GCLM: variants seen among roughly 807,000 people sequenced by gnomAD.
GCLM encodes the protein glutamate--cysteine ligase regulatory subunit.
Under a neutral mutation model 36.0 loss-of-function variants are expected in GCLM, and 15 were observed. The ratio of observed to expected loss-of-function variants is 0.42; its 90% CI spans 0.28 to 0.64. The LOEUF (loss-of-function observed/expected upper bound fraction) is 0.64. Ranked by LOEUF, GCLM falls within the 30% of genes least tolerant of loss-of-function variation. GCLM has a pLI of 0.25. For synonymous variants in GCLM, 129 were observed against 122.8 expected (o/e 1.05, Z -0.34); for missense variants, 242 against 325.5 (o/e 0.74, Z 1.97).
chr1:93,904,368 C>G, intron 2 of GCLM, 155 bp downstream of exon 2: 1 of 643,976 alleles, frequency 1.6e-6, no homozygotes, highest in Non-Finnish European at 2.8e-6. Context: ...TATGCATAAG[C>G]CTACTGGATC....
At chr1:93,902,239 A>T (rs1056991425) in intron 2 of GCLM, among the ~76,000 whole-genome samples, 1 of 149,346 alleles carries the variant, frequency 6.7e-6, no homozygotes, top group African/African-American at 2.5e-5. Flanking sequence ...GTGCAGTGGC[A>T]CGATCTCGGC....
At chr1:93,908,764 T>G in intron 1 of GCLM, 1 of 254,430 alleles carries the variant, frequency 3.9e-6, no homozygotes, top group East Asian at 7.1e-5. Context: ...CCCAGGATGT[T>G]TGAGAGTTTT....
intron 1 of GCLM, 52 bp downstream of exon 1, chr1:93,908,986 C>T: frequency 7.3e-7 from 1 of 1,368,552 alleles, no homozygotes; most frequent in Non-Finnish European, 9.4e-7. Context: ...AACCGCCCGG[C>T]CCCGCCCGAG....
intron 6 of GCLM, among the ~76,000 whole-genome samples, chr1:93,890,785 T>C (rs1423435151): frequency 2.0e-5 from 3 of 152,190 alleles, no homozygotes; most frequent in Admixed American, 2.0e-4. Context: ...ACACGCTATA[T>C]TGCCAACTGC....
chr1:93,886,756 A>C lies in GCLM; in HGVS notation c.*2234T>G, dbSNP rs1002975199. ...TAAGTCCAGGGTTATAAAAACAATA[A>C]ATGGGATATTAAAGTTCCCTCTTAA... On this transcript the variant is annotated 3_prime_UTR_variant, in exon 7 of 7. Coordinates refer to ENST00000370238, the MANE Select transcript of GCLM (RefSeq NM_002061.4). 2.6e-5 allele frequency: 4 copies of C among 152,142 alleles called. No individual in the cohort carries two copies. The highest frequency in any genetic ancestry group is 5.9e-5 in the Non-Finnish European group (4 of 68,016). The allele number at this position is 152,142 out of a possible 1,614,324, so 9.4% of individuals were successfully genotyped here.
chr1:93,888,132 G>C lies in GCLM; in HGVS notation c.*858C>G, dbSNP rs1187995895. 6.6e-6 allele frequency: 1 copy of C among 151,812 alleles called. No homozygotes were observed. Among genetic ancestry groups the C allele is most frequent in the African/African-American group, 2.4e-5 (1 of 41,290 alleles). 9.4% of individuals were successfully genotyped at this position (151,812 alleles called of 1,614,324 possible). On this transcript the variant is annotated 3_prime_UTR_variant, in exon 7 of 7. Transcript: ENST00000370238. ...TTACTCAACTGATTCTTAATTCCTAGCTCTATTGCCCCCTCCTCTCTCCAG... is the reference window on the plus strand; with the variant it reads ...TTACTCAACTGATTCTTAATTCCTACCTCTATTGCCCCCTCCTCTCTCCAG...
At position 93,888,383 on chromosome 1, in the gene GCLM, A is replaced by G. The variant is rs1420474056; in HGVS notation, c.*607T>C. 3.3e-5 allele frequency: 5 copies of G among 152,212 alleles called. No individual in the cohort carries two copies. Among genetic ancestry groups the G allele is most frequent in the African/African-American group, 1.2e-4 (5 of 41,464 alleles). 9.4% of individuals were successfully genotyped at this position (152,212 alleles called of 1,614,324 possible). The stretch of plus-strand genomic sequence containing the variant: ...TAATAAAAAGACAGAATATGGCACA[A>G]GAATACAAGGTTAAATTATTACAGC... On this transcript the variant is annotated 3_prime_UTR_variant, in exon 7 of 7. Transcript: ENST00000370238.
chr1:93,900,442 C>T lies in GCLM; in HGVS notation c.277+1143G>A, dbSNP rs559959071. 6.2e-4 allele frequency among the ~76,000 whole-genome samples: 95 copies of T among 152,286 alleles called. 2 individuals carry two copies. The highest frequency in any genetic ancestry group is 4.1e-3 in the Admixed American group (63 of 15,298). On this transcript the variant is annotated intron_variant, in intron 3 of 6. Coordinates refer to ENST00000370238, the MANE Select transcript of GCLM (RefSeq NM_002061.4). ...CTCAGAAAGAATGTTGCTTTACGTC[C>T]TTTCCAACACAAACAGCAATGTGAA...
intron 3 of GCLM, among the ~76,000 whole-genome samples, chr1:93,899,518 T>C (rs987904579): frequency 6.6e-6 from 1 of 152,224 alleles, no homozygotes; most frequent in Non-Finnish European, 1.5e-5. Context: ...GCATATATAA[T>C]GCCAAAACAA....
chr1:93,897,755 C>T, intron 4 of GCLM, 84 bp downstream of exon 4: 1 of 687,028 alleles, frequency 1.5e-6, no homozygotes. Flanking sequence ...TTCTTTTTAC[C>T]TGGACCTAAG....
At position 93,889,199 on chromosome 1, in the gene GCLM, ATTGG is replaced by A. The variant is rs1268585072; in HGVS notation, c.656-44_656-41del. ...AACAAACAAAACTCCAGCGTGTTAA[ATTGG>A]AAAACAAAAAAGCACTTTAGTATGT... On this transcript the variant is annotated intron_variant, in intron 6 of 6. Transcript: ENST00000370238. 4.8e-6 allele frequency: 7 copies of A among 1,457,614 alleles called. No individual in the cohort carries two copies. In the Admixed American group the frequency reaches 8.3e-5, roughly 17 times the overall value. 90.3% of individuals were successfully genotyped at this position (1,457,614 alleles called of 1,614,324 possible).
rs960245903 is a variant in GCLM at position 93,888,531 on chromosome 1, T to A, written c.*459A>T. ...CAGTTACTCTGATATATCTCATCAA[T>A]GACAGGAAAAATATCTTCTTCCAGT... On this transcript the variant is annotated 3_prime_UTR_variant, in exon 7 of 7. Coordinates refer to ENST00000370238, the MANE Select transcript of GCLM (RefSeq NM_002061.4). 6.6e-6 allele frequency: 1 copy of A among 152,530 alleles called. No homozygotes were observed. The highest frequency in any genetic ancestry group is 2.4e-5 in the African/African-American group (1 of 41,468). The allele number at this position is 152,530 out of a possible 1,614,324, so 9.4% of individuals were successfully genotyped here.
At chr1:93,896,499 A>T (rs1451003075) in intron 5 of GCLM, 119 bp downstream of exon 5, 2 of 730,968 alleles carry the variant, frequency 2.7e-6, no homozygotes, top group African/African-American at 1.8e-5. Flanking sequence ...CAAAACTCCC[A>T]CATGTGGAAA....
intron 2 of GCLM, among the ~76,000 whole-genome samples, chr1:93,902,085 T>C (rs1236189248): frequency 6.6e-6 from 1 of 151,152 alleles, no homozygotes; most frequent in East Asian, 1.9e-4. Context: ...ATTACAAGCA[T>C]TTTCTTTTAC....
chr1:93,901,293 T>C (rs1430775525), intron 3 of GCLM, among the ~76,000 whole-genome samples: 1 of 152,160 alleles, frequency 6.6e-6, no homozygotes, highest in African/African-American at 2.4e-5. Flanking sequence ...CTTTATCCTT[T>C]CCATCTCCTT....
rs1488898185 is a variant in GCLM at position 93,896,882 on chromosome 1, T to C, written c.338-62A>G. On this transcript the variant is annotated intron_variant, in intron 4 of 6. Transcript: ENST00000370238. ...ACATCATAAAAACAAATATTTCTAA[T>C]GTTTTCAAAGTATCCCACTGAATTC... The C allele has an allele frequency of 6.4e-6, 6 of 943,822 alleles. No individual in the cohort carries two copies. The African/African-American group carries it at 9.7e-5, about 15-fold the overall frequency. 58.5% of individuals were successfully genotyped at this position (943,822 alleles called of 1,614,324 possible).
intron 6 of GCLM, among the ~76,000 whole-genome samples, chr1:93,894,077 G>T (rs1314966561): frequency 6.6e-6 from 1 of 151,978 alleles, no homozygotes; most frequent in Non-Finnish European, 1.5e-5. Flanking sequence ...GGGTGACATG[G>T]TGAAACCCTG....
At position 93,886,911 on chromosome 1, in the gene GCLM, C is replaced by T. The variant is rs1252687831; in HGVS notation, c.*2079G>A. ...TATATATATTTAATAACATTACATA[C>T]AATTAATATAAAGGCTAGAAGGCAT... On this transcript the variant is annotated 3_prime_UTR_variant, in exon 7 of 7. Coordinates refer to ENST00000370238, the MANE Select transcript of GCLM (RefSeq NM_002061.4). 1 of 151,236 alleles carries T rather than the reference C, an allele frequency of 6.6e-6. No individual in the cohort carries two copies. The highest frequency in any genetic ancestry group is 1.5e-5 in the Non-Finnish European group (1 of 67,914). 9.4% of individuals were successfully genotyped at this position (151,236 alleles called of 1,614,324 possible). A position where few individuals can be genotyped will look rare whatever the true frequency, so the allele number is the denominator to read the frequency against.
chr1:93,888,233 T>C lies in GCLM; in HGVS notation c.*757A>G, dbSNP rs1571193511. 1 of 152,200 alleles carries C rather than the reference T, an allele frequency of 6.6e-6. No individual in the cohort carries two copies. Among genetic ancestry groups the C allele is most frequent in the African/African-American group, 2.4e-5 (1 of 41,458 alleles). The allele number at this position is 152,200 out of a possible 1,614,324, so 9.4% of individuals were successfully genotyped here. ...CTTGAATGAGTAGCAATATATACTA[T>C]GGATGGATCAATAATTTAAAAGAAT... On this transcript the variant is annotated 3_prime_UTR_variant, in exon 7 of 7. Coordinates refer to ENST00000370238, the MANE Select transcript of GCLM (RefSeq NM_002061.4).
Sources: gnomAD v4.1 joint callset for allele counts (sites outside exome capture counted in the v4.1 genomes callset) on GRCh38, gnomAD v4.1.1 for gene constraint, MANE v1.5 for transcripts, NCBI Gene and HGNC (gene_info 2026-07-23, HGNC 2026-07-21) for gene names.